The following UBE2L3 variants were observed in gnomAD, a reference collection of about 807,000 sequenced individuals.
UBE2L3 encodes ubiquitin conjugating enzyme E2 L3, also known as ubiquitin-conjugating enzyme E2 L3.
In UBE2L3, 1 loss-of-function variant was observed where a neutral mutation model predicts 17.8. That is an observed-to-expected ratio of 0.06 (90% CI 0.02 to 0.27). The LOEUF (loss-of-function observed/expected upper bound fraction) is 0.27, where lower values mean the gene tolerates loss of function less well. UBE2L3 is among the 10% of genes least tolerant of loss of function. UBE2L3 has a pLI of 1.00. For synonymous variants in UBE2L3, 44 were observed against 68.5 expected, an observed-to-expected ratio of 0.64 and a Z score of 1.76; for missense variants, 40 against 192.6, an observed-to-expected ratio of 0.21 and a Z score of 4.69.
At chr22:21,616,821 A>G (rs1433487743) in intron 3 of UBE2L3, among the ~76,000 whole-genome samples, 2 of 151,918 alleles carry the variant, frequency 1.3e-5, no homozygotes, top group Non-Finnish European at 2.9e-5. Flanking sequence ...GTACATTGAC[A>G]TTTTATTCTT....
upstream of UBE2L3, among the ~76,000 whole-genome samples, chr22:21,565,008 T>C (rs1350661364): frequency 6.6e-6 from 1 of 152,036 alleles, no homozygotes; most frequent in Non-Finnish European, 1.5e-5. Context: ...ATGAGGCTTG[T>C]CATCTAGTTT....
intron 1 of UBE2L3, among the ~76,000 whole-genome samples, chr22:21,575,509 A>G (rs1371263056): frequency 6.7e-6 from 1 of 148,634 alleles, no homozygotes; most frequent in Non-Finnish European, 1.5e-5. Flanking sequence ...GAATCGCTTG[A>G]ATCCGGGAGG....
intron 2 of UBE2L3, among the ~76,000 whole-genome samples, chr22:21,604,895 G>A (rs1045471958): frequency 2.6e-5 from 4 of 152,170 alleles, no homozygotes; most frequent in African/African-American, 9.7e-5. Flanking sequence ...TCCCTGGGTG[G>A]TGAGAGGCCT....
At chr22:21,615,412 G>A (rs765449046) in intron 3 of UBE2L3, among the ~76,000 whole-genome samples, 23 of 151,762 alleles carry the variant, frequency 1.5e-4, no homozygotes, top group Middle Eastern at 3.4e-3. Context: ...AAAATTAGCC[G>A]AGCTTGGTGG....
At chr22:21,591,520 G>A (rs375428257) in intron 1 of UBE2L3, among the ~76,000 whole-genome samples, 1 of 152,168 alleles carries the variant, frequency 6.6e-6, no homozygotes, top group Non-Finnish European at 1.5e-5. Flanking sequence ...TGGGCCGGGC[G>A]CCCAGCACAT....
intron 2 of UBE2L3, among the ~76,000 whole-genome samples, chr22:21,603,529 T>A (rs1257605235): frequency 1.3e-5 from 1 of 79,950 alleles, no homozygotes; most frequent in Non-Finnish European, 2.3e-5. Context: ...GACTCTGTCT[T>A]AAAAAAAAAA....
intron 1 of UBE2L3, 72 bp downstream of exon 1, chr22:21,567,843 C>A: frequency 6.4e-7 from 1 of 1,553,040 alleles, no homozygotes; most frequent in East Asian, 2.4e-5. Flanking sequence ...AGGCAGGCGG[C>A]GGCTTCTCAG....
At chr22:21,618,344 C>T (rs1264274813) in intron 3 of UBE2L3, among the ~76,000 whole-genome samples, 1 of 152,014 alleles carries the variant, frequency 6.6e-6, no homozygotes, top group Non-Finnish European at 1.5e-5. Context: ...GCAGGTGGAT[C>T]ACGAGGTCAG....
intron 1 of UBE2L3, among the ~76,000 whole-genome samples, chr22:21,591,449 G>T (rs574396968): frequency 6.6e-6 from 1 of 152,224 alleles, no homozygotes; most frequent in Non-Finnish European, 1.5e-5. Context: ...CTGCTATGAA[G>T]CACCAGTGTG....
At chr22:21,617,831 C>T (rs2148448919) in intron 3 of UBE2L3, among the ~76,000 whole-genome samples, 2 of 152,234 alleles carry the variant, frequency 1.3e-5, no homozygotes, top group East Asian at 3.9e-4. Context: ...GAAATGCACC[C>T]AGGGGAACAG....
chr22:21,572,678 T>G (rs611138), intron 1 of UBE2L3, among the ~76,000 whole-genome samples: 1 of 148,588 alleles, frequency 6.7e-6, no homozygotes, highest in Non-Finnish European at 1.5e-5. Context: ...CTGCACACAC[T>G]GTGCACATTA....
intron 3 of UBE2L3, among the ~76,000 whole-genome samples, chr22:21,620,471 G>A (rs896579459): frequency 3.9e-5 from 6 of 152,134 alleles, no homozygotes; most frequent in African/African-American, 1.4e-4. Flanking sequence ...TCGGAGAAGA[G>A]GGGCACTGTT....
At chr22:21,620,384 T>C (rs370199275) in intron 3 of UBE2L3, among the ~76,000 whole-genome samples, 22 of 152,062 alleles carry the variant, frequency 1.4e-4, no homozygotes, top group African/African-American at 5.3e-4. Flanking sequence ...TAAAGTATGA[T>C]TGAGCCACTG....
intron 2 of UBE2L3, 60 bp from the exon 3 acceptor site, chr22:21,610,797 T>C: frequency 1.4e-6 from 2 of 1,445,296 alleles, no homozygotes; most frequent in Non-Finnish European, 1.8e-6. Flanking sequence ...AAAACATTCC[T>C]GTCTTGGCCA....
intron 1 of UBE2L3, among the ~76,000 whole-genome samples, chr22:21,583,158 C>T (rs1352338523): frequency 1.3e-5 from 2 of 152,184 alleles, no homozygotes; most frequent in African/African-American, 4.8e-5. Flanking sequence ...GATTTCTGCC[C>T]TCCATGTCTC....
chr22:21,598,186 G>A (rs982674100), intron 2 of UBE2L3, among the ~76,000 whole-genome samples: 3 of 102,264 alleles, frequency 2.9e-5, no homozygotes, highest in African/African-American at 9.0e-5. Flanking sequence ...TTCAAGGAAG[G>A]TTTCATTAAT....
upstream of UBE2L3, chr22:21,567,465 C>G: frequency 3.8e-6 from 2 of 531,670 alleles, no homozygotes; most frequent in East Asian, 3.6e-5. Context: ...GCCTGGTCAA[C>G]TATTTTATGC....
intron 1 of UBE2L3, among the ~76,000 whole-genome samples, chr22:21,591,217 A>G (rs946006223): frequency 6.6e-6 from 1 of 152,216 alleles, no homozygotes. Context: ...GTTGCAGCCC[A>G]TGCCGCTAAC....
At chr22:21,603,529 TAAAAAA>T (rs780658850) in intron 2 of UBE2L3, among the ~76,000 whole-genome samples, 12 of 79,948 alleles carry the variant, frequency 1.5e-4, no homozygotes, top group East Asian at 1.1e-3. Context: ...GACTCTGTCT[TAAAAAA>T]AAAAAAAAAA....
Sources: allele counts gnomAD v4.1 joint callset (sites outside exome capture counted in the v4.1 genomes callset), GRCh38; gene constraint gnomAD v4.1.1; transcripts MANE v1.5; gene names NCBI Gene and HGNC (gene_info 2026-07-23, HGNC 2026-07-21).